The following ITFG1 variants were observed in gnomAD, a reference collection of about 807,000 sequenced individuals.
ITFG1 encodes the protein integrin alpha FG-GAP repeat containing 1.
Under a neutral mutation model 81.8 loss-of-function variants are expected in ITFG1, and 34 were observed. The observed-to-expected ratio is 0.42, with a 90% confidence interval of 0.32 to 0.55. ITFG1 has a LOEUF of 0.55. Ranked by LOEUF, ITFG1 falls within the 20% of genes least tolerant of loss-of-function variation. The pLI is 0.17. For synonymous variants in ITFG1, 285 were observed against 270.6 expected (o/e 1.05, Z -0.52); for missense variants, 672 against 755.4 (o/e 0.89, Z 1.29).
At chr16:47,202,910 T>C (rs936899485) in intron 14 of ITFG1, among the ~76,000 whole-genome samples, 4 of 152,142 alleles carry the variant, frequency 2.6e-5, no homozygotes, top group South Asian at 4.1e-4. Flanking sequence ...GAATATAAAA[T>C]GGTGTGTAGA....
chr16:47,189,732 A>C (rs1477491429), intron 14 of ITFG1, among the ~76,000 whole-genome samples: 1 of 152,152 alleles, frequency 6.6e-6, no homozygotes, highest in African/African-American at 2.4e-5. Context: ...TGGAATTTTG[A>C]GTCATATGCT....
chr16:47,314,390 G>A (rs1967319135), intron 8 of ITFG1, among the ~76,000 whole-genome samples: 1 of 152,108 alleles, frequency 6.6e-6, no homozygotes, highest in Non-Finnish European at 1.5e-5. Flanking sequence ...TTATACATAT[G>A]TAAGAGACTT....
At chr16:47,425,353 G>A (rs890839455) in intron 6 of ITFG1, among the ~76,000 whole-genome samples, 1 of 152,054 alleles carries the variant, frequency 6.6e-6, no homozygotes, top group African/African-American at 2.4e-5. Flanking sequence ...AGTCTGTCAC[G>A]GCTTCCCTTT....
chr16:47,179,106 G>T (rs1294082486), intron 14 of ITFG1, among the ~76,000 whole-genome samples: 3 of 151,452 alleles, frequency 2.0e-5, no homozygotes, highest in African/African-American at 7.3e-5. Context: ...TGGAGAAATA[G>T]GAACACTTTT....
At chr16:47,441,731 T>C (rs1291453278) in intron 5 of ITFG1, among the ~76,000 whole-genome samples, 1 of 152,114 alleles carries the variant, frequency 6.6e-6, no homozygotes, top group Non-Finnish European at 1.5e-5. Context: ...TCATACTGAA[T>C]GGACAAAAAC....
At chr16:47,239,380 T>C (rs539673890) in intron 12 of ITFG1, among the ~76,000 whole-genome samples, 6 of 152,194 alleles carry the variant, frequency 3.9e-5, no homozygotes, top group South Asian at 2.1e-4. Context: ...TTTGTATTTT[T>C]AGTAGAGACG....
intron 7 of ITFG1, among the ~76,000 whole-genome samples, chr16:47,372,045 T>G (rs1175227900): frequency 6.6e-6 from 1 of 151,944 alleles, no homozygotes; most frequent in Non-Finnish European, 1.5e-5. Flanking sequence ...CCCCAGTAGC[T>G]GGGACTACAG....
intron 7 of ITFG1, among the ~76,000 whole-genome samples, chr16:47,373,319 G>A (rs1403671030): frequency 2.0e-5 from 3 of 151,244 alleles, no homozygotes; most frequent in African/African-American, 7.3e-5. Flanking sequence ...TTTTGCTCTT[G>A]TCGCCCAGGC....
At chr16:47,388,117 A>G (rs994216676) in intron 6 of ITFG1, among the ~76,000 whole-genome samples, 4 of 152,188 alleles carry the variant, frequency 2.6e-5, no homozygotes, top group African/African-American at 9.6e-5. Context: ...AAGAATTAGC[A>G]AACTTCATGA....
intron 5 of ITFG1, among the ~76,000 whole-genome samples, chr16:47,442,771 C>A (rs1245224284): frequency 6.6e-6 from 1 of 152,030 alleles, no homozygotes; most frequent in Non-Finnish European, 1.5e-5. Context: ...TAAAGACTTA[C>A]ATGTTAGCCC....
At chr16:47,253,947 T>A (rs1350065581) in intron 12 of ITFG1, among the ~76,000 whole-genome samples, 1 of 152,068 alleles carries the variant, frequency 6.6e-6, no homozygotes, top group Admixed American at 6.6e-5. Context: ...TAGAGTAATT[T>A]TATTGGAACA....
chr16:47,265,203 C>G (rs1167586113), intron 10 of ITFG1, among the ~76,000 whole-genome samples: 2 of 149,202 alleles, frequency 1.3e-5, no homozygotes, highest in Non-Finnish European at 3.0e-5. Context: ...ATTTTGTTTA[C>G]GGTACCCTTC....
rs1309735725 is a variant in ITFG1 at position 47,301,638 on chromosome 16, C to T, written c.1070+9602G>A. The stretch of plus-strand genomic sequence containing the variant: ...CTTGAACTCCTGACCTCAAGTGATC[C>T]GTCCACCTCAGCCTCCCAAAGTACT... On this transcript the variant is annotated intron_variant, in intron 10 of 17. Coordinates refer to ENST00000320640, the MANE Select transcript of ITFG1 (RefSeq NM_030790.5). Among the ~76,000 whole-genome samples, 9 of 152,086 alleles carry T rather than the reference C, an allele frequency of 5.9e-5. 1 individual carries two copies. In the South Asian group the frequency reaches 1.5e-3, roughly 25 times the overall value.
chr16:47,409,374 C>CTA (rs1187875461), intron 6 of ITFG1, among the ~76,000 whole-genome samples: 220 of 20,980 alleles, frequency 0.01, 9 homozygotes, highest in African/African-American at 0.016. Flanking sequence ...TACACACACA[C>CTA]TATATATATA....
At chr16:47,241,210 G>C (rs1224575888) in intron 12 of ITFG1, among the ~76,000 whole-genome samples, 1 of 152,204 alleles carries the variant, frequency 6.6e-6, no homozygotes, top group East Asian at 1.9e-4. Flanking sequence ...ATGTGGAATG[G>C]TGCAGCTGCT....
chr16:47,174,276 C>T (rs1964995278), intron 14 of ITFG1, among the ~76,000 whole-genome samples: 1 of 152,056 alleles, frequency 6.6e-6, no homozygotes, highest in African/African-American at 2.4e-5. Flanking sequence ...TTGCTGTCTA[C>T]AAATACTAGA....
intron 12 of ITFG1, among the ~76,000 whole-genome samples, chr16:47,238,815 TTA>T (rs2151534306): frequency 6.6e-6 from 1 of 152,304 alleles, no homozygotes; most frequent in South Asian, 2.1e-4. Flanking sequence ...TTTTGTTTGT[TTA>T]TATTACATGA....
chr16:47,336,837 C>A (rs1967710265), intron 8 of ITFG1, among the ~76,000 whole-genome samples: 2 of 151,952 alleles, frequency 1.3e-5, no homozygotes, highest in Admixed American at 6.6e-5. Context: ...GTGACACATG[C>A]CTGTAATCCC....
At chr16:47,425,589 C>CTT (rs552533924) in intron 6 of ITFG1, among the ~76,000 whole-genome samples, 17 of 135,202 alleles carry the variant, frequency 1.3e-4, no homozygotes, top group Non-Finnish European at 1.4e-4. Context: ...AGTGACGCTC[C>CTT]TTTTTTTTTT....
Sources: gnomAD v4.1 joint callset for allele counts (sites outside exome capture counted in the v4.1 genomes callset) on GRCh38, gnomAD v4.1.1 for gene constraint, MANE v1.5 for transcripts, NCBI Gene and HGNC (gene_info 2026-07-23, HGNC 2026-07-21) for gene names.